PLLP: variants seen among roughly 807,000 people sequenced by gnomAD.
PLLP encodes plasma membrane proteolipid (plasmolipin).
PLLP carries 15 observed loss-of-function variants against 19.7 expected under a neutral mutation model. That is an observed-to-expected ratio of 0.76 (90% CI 0.51 to 1.17). The LOEUF is 1.17. Ranked by LOEUF, PLLP falls within the 50% of genes most tolerant of loss-of-function variation. The probability of loss-of-function intolerance (pLI) is 0.00; values close to 1 mark genes in which losing one functional copy is unlikely to be tolerated. For synonymous variants in PLLP, 111 were observed against 116.3 expected (o/e 0.95, Z 0.29); for missense variants, 255 against 258.3 (o/e 0.99, Z 0.09).
At chr16:57,280,499 T>TAA (rs1219100613) in intron 1 of PLLP, among the ~76,000 whole-genome samples, 1 of 151,874 alleles carries the variant, frequency 6.6e-6, no homozygotes, top group African/African-American at 2.4e-5. Flanking sequence ...CTTTTTTTTT[T>TAA]AAAACCAAAA....
At chr16:57,269,325 T>G (rs1236557910) in intron 1 of PLLP, among the ~76,000 whole-genome samples, 1 of 152,166 alleles carries the variant, frequency 6.6e-6, no homozygotes, top group East Asian at 1.9e-4. Flanking sequence ...CGGGGCAGCA[T>G]CAGACCTTTG....
intron 2 of PLLP, among the ~76,000 whole-genome samples, chr16:57,258,920 C>CAAAA (rs59321788): frequency 7.5e-5 from 3 of 40,266 alleles, no homozygotes; most frequent in African/African-American, 1.0e-4. Flanking sequence ...GATCCTGTCT[C>CAAAA]AAAAAAAAAA....
chr16:57,262,604 G>A (rs1474214173), intron 1 of PLLP, among the ~76,000 whole-genome samples: 1 of 152,056 alleles, frequency 6.6e-6, no homozygotes, highest in Non-Finnish European at 1.5e-5. Flanking sequence ...GTATGGTGGT[G>A]CGCACCTGTG....
chr16:57,272,169 C>T (rs2075478046), intron 1 of PLLP, among the ~76,000 whole-genome samples: 1 of 152,248 alleles, frequency 6.6e-6, no homozygotes, highest in East Asian at 1.9e-4. Flanking sequence ...TGACCCATTC[C>T]ACTGATGAGG....
chr16:57,270,406 C>T (rs1454827631), intron 1 of PLLP, among the ~76,000 whole-genome samples: 14 of 151,110 alleles, frequency 9.3e-5, no homozygotes, highest in African/African-American at 3.4e-4. Context: ...CCCAGGTCCC[C>T]GAGTCCTTCC....
intron 1 of PLLP, among the ~76,000 whole-genome samples, chr16:57,277,196 G>A (rs1001901736): frequency 3.3e-5 from 5 of 152,188 alleles, no homozygotes; most frequent in Admixed American, 3.3e-4. Context: ...CTGAGAGTGG[G>A]CATGAAGGAG....
intron 1 of PLLP, among the ~76,000 whole-genome samples, chr16:57,268,563 T>C (rs766050158): frequency 1.3e-5 from 2 of 152,192 alleles, no homozygotes; most frequent in African/African-American, 2.4e-5. Context: ...CTATTGCAGC[T>C]CACTGCAGCC....
chr16:57,266,337 C>T (rs540021953), intron 1 of PLLP, among the ~76,000 whole-genome samples: 7 of 152,282 alleles, frequency 4.6e-5, no homozygotes, highest in African/African-American at 1.2e-4. Flanking sequence ...TCTGTGCCTG[C>T]GGAGCTGCCT....
intron 1 of PLLP, among the ~76,000 whole-genome samples, chr16:57,278,023 C>T (rs1195770728): frequency 2.6e-5 from 4 of 152,016 alleles, no homozygotes; most frequent in Non-Finnish European, 5.9e-5. Context: ...CAACAGTTTA[C>T]AAGGAAGGAA....
chr16:57,257,810 G>A (rs1156592239), intron 3 of PLLP, among the ~76,000 whole-genome samples: 1 of 152,220 alleles, frequency 6.6e-6, no homozygotes, highest in Non-Finnish European at 1.5e-5. Context: ...CAGTGGGAGA[G>A]CATGTTTTTC....
chr16:57,259,454 A>G (rs1319511388), intron 2 of PLLP, among the ~76,000 whole-genome samples: 2 of 152,166 alleles, frequency 1.3e-5, no homozygotes, highest in East Asian at 3.9e-4. Flanking sequence ...AGAGGACCAG[A>G]TATTTCAAGC....
In PLLP at chr16:57,261,952, T is replaced by C; in HGVS notation, c.254A>G (p.Asn85Ser). 3 of 1,613,538 alleles carry C rather than the reference T, an allele frequency of 1.9e-6. No individual in the cohort carries two copies. Among genetic ancestry groups the C allele is most frequent in the Non-Finnish European group, 2.5e-6 (3 of 1,179,886 alleles). Reference protein sequence around the residue: ...FLWLVTIVLFNLYLFQLHMKL... With the variant: ...FLWLVTIVLFSLYLFQLHMKL... ...CATGTGCAGCTGAAACAGGTAGAGGTTGAAGAGGACGATTGTCACCAGCCA... is the reference window on the plus strand; with the variant it reads ...CATGTGCAGCTGAAACAGGTAGAGGCTGAAGAGGACGATTGTCACCAGCCA... The change falls in exon 2 of 4, where the codon AAC becomes AGC. Residue 85 changes from asparagine to serine, a missense_variant. Physicochemically the swap from Asn to Ser is conservative, Grantham distance 46. Coordinates refer to ENST00000219207, the MANE Select transcript of PLLP (RefSeq NM_015993.3).
chr16:57,262,332 A>T (rs537163160), intron 1 of PLLP, among the ~76,000 whole-genome samples: 4 of 152,180 alleles, frequency 2.6e-5, no homozygotes, highest in Non-Finnish European at 4.4e-5. Context: ...TAGGCAGATC[A>T]CCTGAGGTCA....
At chr16:57,281,994 T>C (rs372395599) in intron 1 of PLLP, among the ~76,000 whole-genome samples, 17 of 152,254 alleles carry the variant, frequency 1.1e-4, no homozygotes, top group East Asian at 5.8e-4. Context: ...TGGCAAGTCC[T>C]TCTAACTAGA....
chr16:57,270,254 C>T (rs189921009), intron 1 of PLLP, among the ~76,000 whole-genome samples: 2 of 130,436 alleles, frequency 1.5e-5, no homozygotes, highest in East Asian at 2.2e-4. Flanking sequence ...CCCCAGCCCC[C>T]GAGTCCATCC....
chr16:57,283,767 C>T (rs1408623792), intron 1 of PLLP, among the ~76,000 whole-genome samples: 2 of 152,196 alleles, frequency 1.3e-5, no homozygotes, highest in Admixed American at 1.3e-4. Flanking sequence ...CTGGCTAAAC[C>T]GGCTGAAACC....
intron 3 of PLLP, 33 bp downstream of exon 3, chr16:57,258,429 A>T (rs1440612197): frequency 6.2e-7 from 1 of 1,602,354 alleles, no homozygotes; most frequent in South Asian, 1.1e-5. Flanking sequence ...GAGACCCTGC[A>T]GACCACCAAG....
chr16:57,278,035 A>G (rs1272308331), intron 1 of PLLP, among the ~76,000 whole-genome samples: 2 of 152,102 alleles, frequency 1.3e-5, no homozygotes, highest in Admixed American at 6.6e-5. Context: ...AGGAAGGAAG[A>G]CAAGTCTCAA....
At position 57,256,677 on chromosome 16, in the gene PLLP, T is replaced by C. The variant is rs1003291930; in HGVS notation, c.*236A>G. 1 of 524,636 alleles carries C rather than the reference T, an allele frequency of 1.9e-6. No individual in the cohort carries two copies. Among genetic ancestry groups the C allele is most frequent in the Non-Finnish European group, 3.4e-6 (1 of 291,324 alleles). The allele number at this position is 524,636 out of a possible 1,614,324, so 32.5% of individuals were successfully genotyped here. On this transcript the variant is annotated 3_prime_UTR_variant, in exon 4 of 4. Coordinates refer to ENST00000219207, the MANE Select transcript of PLLP (RefSeq NM_015993.3). ...AGATCCCCCGTCATCTTCCACTGAA[T>C]AAGGGGGATGGAGAAGAGGTCTCAG...
Sources: gnomAD v4.1 joint callset for allele counts (sites outside exome capture counted in the v4.1 genomes callset) on GRCh38, gnomAD v4.1.1 for gene constraint, MANE v1.5 for transcripts, NCBI Gene and HGNC (gene_info 2026-07-23, HGNC 2026-07-21) for gene names.